Variants in MYO6 observed in about 807,000 individuals in gnomAD.
MYO6 encodes the protein myosin VI.
MYO6 carries 74 observed loss-of-function variants against 178.7 expected under a neutral mutation model. The observed-to-expected ratio is 0.41, with a 90% CI of 0.34 to 0.50. MYO6 has a LOEUF of 0.50. Among genes scored for constraint, MYO6 ranks in the 20% least tolerant of loss-of-function variants. The pLI, the probability that MYO6 is intolerant of heterozygous loss-of-function variation, is 0.09. For synonymous variants in MYO6, 477 were observed against 504.6 expected, an observed-to-expected ratio of 0.95 and a Z score of 0.73; for missense variants, 1,330 against 1,547.4, an observed-to-expected ratio of 0.86 and a Z score of 2.36.
At chr6:75,907,277 A>G (rs1050999177) in intron 30 of MYO6, among the ~76,000 whole-genome samples, 11 of 152,218 alleles carry the variant, frequency 7.2e-5, no homozygotes, top group Non-Finnish European at 1.6e-4. Context: ...AATATATGTC[A>G]GTATATTTTT....
intron 2 of MYO6, among the ~76,000 whole-genome samples, chr6:75,818,035 A>G (rs745840739): frequency 2.6e-5 from 4 of 152,244 alleles, no homozygotes; most frequent in Non-Finnish European, 5.9e-5. Flanking sequence ...TGTGATCGAC[A>G]TGTCACAAAG....
intron 1 of MYO6, among the ~76,000 whole-genome samples, chr6:75,782,613 T>G (rs1767094501): frequency 6.6e-6 from 1 of 152,230 alleles, no homozygotes; most frequent in Non-Finnish European, 1.5e-5. Context: ...ACCAGTTTGT[T>G]GCTCTGCTTG....
At chr6:75,887,048 T>C (rs1166629135) in intron 25 of MYO6, 54 bp downstream of exon 25, 2 of 1,527,910 alleles carry the variant, frequency 1.3e-6, no homozygotes, top group African/African-American at 2.7e-5. Context: ...TAATATATTT[T>C]GTTATTGGTA....
intron 24 of MYO6, among the ~76,000 whole-genome samples, chr6:75,886,575 C>G (rs1778450560): frequency 6.6e-6 from 1 of 152,104 alleles, no homozygotes; most frequent in African/African-American, 2.4e-5. Flanking sequence ...CTCTATTGAT[C>G]CATCACACCT....
chr6:75,786,392 T>G (rs1317518197), intron 1 of MYO6, among the ~76,000 whole-genome samples: 1 of 152,216 alleles, frequency 6.6e-6, no homozygotes, highest in Non-Finnish European at 1.5e-5. Context: ...CTGCATACGT[T>G]TTAGAATAAG....
intron 10 of MYO6, among the ~76,000 whole-genome samples, chr6:75,845,913 G>T (rs1038418522): frequency 6.6e-6 from 1 of 151,752 alleles, no homozygotes; most frequent in Non-Finnish European, 1.5e-5. Flanking sequence ...CTTGAACCCA[G>T]GAGATAGAGG....
intron 1 of MYO6, among the ~76,000 whole-genome samples, chr6:75,783,054 A>G (rs1767148475): frequency 6.6e-6 from 1 of 151,796 alleles, no homozygotes; most frequent in African/African-American, 2.4e-5. Flanking sequence ...AGCTGGGATT[A>G]CAGGCATGCG....
At chr6:75,754,098 C>A (rs1777133375) in intron 1 of MYO6, among the ~76,000 whole-genome samples, 1 of 152,150 alleles carries the variant, frequency 6.6e-6, no homozygotes, top group Admixed American at 6.5e-5. Flanking sequence ...GAAACCAAAA[C>A]ACCAAAGCAC....
intron 1 of MYO6, among the ~76,000 whole-genome samples, chr6:75,769,699 A>T (rs563751355): frequency 5.9e-4 from 90 of 152,324 alleles, no homozygotes; most frequent in African/African-American, 2.1e-3. Context: ...CAGGAGATCG[A>T]GACCATCCTG....
chr6:75,874,430 C>T (rs557676787), intron 20 of MYO6, among the ~76,000 whole-genome samples: 83 of 152,316 alleles, frequency 5.4e-4, no homozygotes, highest in African/African-American at 1.9e-3. Flanking sequence ...ACTGGTCAGA[C>T]CCATCCTGCT....
At chr6:75,899,999 T>G (rs1345791410) in intron 30 of MYO6, among the ~76,000 whole-genome samples, 1 of 150,720 alleles carries the variant, frequency 6.6e-6, no homozygotes, top group African/African-American at 2.4e-5. Flanking sequence ...GGTTTTTTGT[T>G]CTTGCGATAG....
At chr6:75,836,682 A>C (rs1413110267) in intron 7 of MYO6, among the ~76,000 whole-genome samples, 3 of 150,432 alleles carry the variant, frequency 2.0e-5, no homozygotes, top group African/African-American at 7.4e-5. Context: ...TCCTGGGTTC[A>C]GGTGATTCTC....
At chr6:75,814,737 T>C (rs531477484) in intron 1 of MYO6, among the ~76,000 whole-genome samples, 1 of 152,036 alleles carries the variant, frequency 6.6e-6, no homozygotes, top group South Asian at 2.1e-4. Flanking sequence ...ATGCACCTGA[T>C]GGTCCCAGCT....
At chr6:75,849,671 C>T (rs1775072019) in intron 11 of MYO6, among the ~76,000 whole-genome samples, 1 of 152,074 alleles carries the variant, frequency 6.6e-6, no homozygotes, top group Admixed American at 6.6e-5. Context: ...GAAGGGGTCC[C>T]GAGTGGGTAG....
rs535873533 is a variant in MYO6 at position 75,917,600 on chromosome 6, G to T, written c.*2588G>T. On this transcript the variant is annotated 3_prime_UTR_variant, in exon 35 of 35. Transcript: ENST00000369977. ...GGAAGAAACAAAACAGTGCATGTAG[G>T]AGCACAGGGCCACACAAAGGCATTC... The T allele has an allele frequency of 1.3e-5, 2 of 152,216 alleles. No individual in the cohort carries two copies. The highest frequency in any genetic ancestry group is 2.9e-5 in the Non-Finnish European group (2 of 68,036). 9.4% of individuals were successfully genotyped at this position (152,216 alleles called of 1,614,324 possible).
chr6:75,814,755 A>G (rs1226225038), intron 1 of MYO6, among the ~76,000 whole-genome samples: 1 of 151,852 alleles, frequency 6.6e-6, no homozygotes, highest in Non-Finnish European at 1.5e-5. Context: ...GCTACTTGGG[A>G]GGCTGAAATA....
At position 75,915,155 on chromosome 6, in the gene MYO6, A is replaced by G. The variant is rs1342132872; in HGVS notation, c.*143A>G. 1 of 902,012 alleles carries G rather than the reference A, an allele frequency of 1.1e-6. No homozygotes were observed. The highest frequency in any genetic ancestry group is 1.7e-6 in the Non-Finnish European group (1 of 584,264). The allele number at this position is 902,012 out of a possible 1,614,324, so 55.9% of individuals were successfully genotyped here. ...TTTTATTAATCACGGCTTTTGGTGA[A>G]TTTGTTTAAGGTTAATTATGGTAGC... On this transcript the variant is annotated 3_prime_UTR_variant, in exon 35 of 35. Transcript: ENST00000369977.
chr6:75,751,697 G>A (rs1185314211), intron 1 of MYO6, among the ~76,000 whole-genome samples: 1 of 152,130 alleles, frequency 6.6e-6, no homozygotes, highest in Non-Finnish European at 1.5e-5. Context: ...GGAGTCTGTG[G>A]TGTATCATGT....
chr6:75,832,996 T>G, intron 6 of MYO6, 49 bp downstream of exon 6: 1 of 1,329,950 alleles, frequency 7.5e-7, no homozygotes, highest in East Asian at 2.3e-5. Flanking sequence ...ATCTTTTTTT[T>G]CCCCCCTTGA....
Sources: gnomAD v4.1 joint callset for allele counts (sites outside exome capture counted in the v4.1 genomes callset) on GRCh38, gnomAD v4.1.1 for gene constraint, MANE v1.5 for transcripts, NCBI Gene and HGNC (gene_info 2026-07-23, HGNC 2026-07-21) for gene names.